LCLAT1: variants seen among roughly 807,000 people sequenced by gnomAD.
LCLAT1 encodes the protein 1-AGP acyltransferase 8.
Under a neutral mutation model 30.7 loss-of-function variants are expected in LCLAT1, and 11 were observed. That is an observed-to-expected ratio of 0.36 (90% CI 0.23 to 0.59). LCLAT1 has a LOEUF of 0.59. Ranked by LOEUF, LCLAT1 falls within the 20% of genes least tolerant of loss-of-function variation. The pLI, the probability that LCLAT1 is intolerant of heterozygous loss-of-function variation, is 0.77. For missense variants in LCLAT1, 402 were observed against 458.6 expected, an observed-to-expected ratio of 0.88 and a Z score of 1.13; for synonymous variants, 155 against 151.3, an observed-to-expected ratio of 1.02 and a Z score of -0.18.
intron 1 of LCLAT1, among the ~76,000 whole-genome samples, chr2:30,474,179 G>C (rs945636046): frequency 6.6e-6 from 1 of 152,172 alleles, no homozygotes; most frequent in African/African-American, 2.4e-5. Flanking sequence ...GGACCCAAGT[G>C]GAGACAAACT....
intron 5 of LCLAT1, among the ~76,000 whole-genome samples, chr2:30,636,723 GAAGA>G (rs1401192157): frequency 6.6e-6 from 1 of 152,150 alleles, no homozygotes. Flanking sequence ...CAAGAAGAAG[GAAGA>G]AAGAAAAGGG....
chr2:30,518,512 A>C (rs1209286114), intron 1 of LCLAT1, among the ~76,000 whole-genome samples: 1 of 152,224 alleles, frequency 6.6e-6, no homozygotes, highest in African/African-American at 2.4e-5. Flanking sequence ...ATTTAGACTA[A>C]ACAAAGTCTT....
chr2:30,606,675 TGGG>T (rs1182893500), intron 5 of LCLAT1: 1 of 150,210 alleles, frequency 6.7e-6, no homozygotes, highest in Non-Finnish European at 1.5e-5. Context: ...GACATAAGCA[TGGG>T]CAAAGATTTC....
At position 30,640,693 on chromosome 2, in the gene LCLAT1, A is replaced by G; in HGVS notation, c.*74A>G. On this transcript the variant is annotated 3_prime_UTR_variant, in exon 6 of 6. Transcript: ENST00000379509. Reference sequence around the variant, plus strand: ...TCTAAACCTTTCTAAGCTCAGATGCATTTTTGCATGACTATGTCGAATATT... The same window carrying G: ...TCTAAACCTTTCTAAGCTCAGATGCGTTTTTGCATGACTATGTCGAATATT... The G allele has an allele frequency of 6.7e-7, 1 of 1,493,720 alleles. No individual in the cohort carries two copies. Among genetic ancestry groups the G allele is most frequent in the Non-Finnish European group, 8.9e-7 (1 of 1,119,926 alleles). The allele number at this position is 1,493,720 out of a possible 1,614,324, so 92.5% of individuals were successfully genotyped here.
chr2:30,463,724 A>T (rs1164207907), intron 1 of LCLAT1, among the ~76,000 whole-genome samples: 1 of 152,212 alleles, frequency 6.6e-6, no homozygotes, highest in Non-Finnish European at 1.5e-5. Context: ...ATGTCATTTT[A>T]TATAAGGAAC....
chr2:30,559,754 A>G (rs936556716), intron 3 of LCLAT1, among the ~76,000 whole-genome samples: 1 of 152,176 alleles, frequency 6.6e-6, no homozygotes, highest in Non-Finnish European at 1.5e-5. Context: ...CTAGTTAAGT[A>G]ATTGTTTTCA....
intron 5 of LCLAT1, among the ~76,000 whole-genome samples, chr2:30,597,255 T>C (rs1429051311): frequency 2.0e-5 from 3 of 151,950 alleles, no homozygotes; most frequent in Admixed American, 6.6e-5. Flanking sequence ...TTTCACGATA[T>C]TGATTCTTCC....
chr2:30,610,189 AT>A lies in LCLAT1; in HGVS notation c.629-29917del, dbSNP rs937962653. The stretch of plus-strand genomic sequence containing the variant: ...TTTTCGTTCCTTCTTTAGTAATTGC[AT>A]TTTTTTTTTTAGGTTTCCTTAATAA... On this transcript the variant is annotated intron_variant, in intron 5 of 5. Transcript: ENST00000379509. Among the ~76,000 whole-genome samples, 196 of 146,366 alleles carry A rather than the reference AT, an allele frequency of 1.3e-3. 1 individual carries two copies. Among genetic ancestry groups the A allele is most frequent in the Middle Eastern group, 3.6e-3 (1 of 278 alleles).
chr2:30,591,444 A>G lies in LCLAT1; in HGVS notation c.628+23268A>G, dbSNP rs78406293. Among the ~76,000 whole-genome samples the G allele has an allele frequency of 9.4e-3, 1,437 of 152,294 alleles. 24 individuals carry two copies. The highest frequency in any genetic ancestry group is 0.032 in the African/African-American group (1,346 of 41,560). On this transcript the variant is annotated intron_variant, in intron 5 of 5. Transcript: ENST00000379509. ...GAGTTTAGCATTGGCCTTAAGTACA[A>G]TATTTATGTTGCATCCTTTAAGGTC...
At chr2:30,633,496 G>T (rs1668867110) in intron 5 of LCLAT1, among the ~76,000 whole-genome samples, 1 of 152,064 alleles carries the variant, frequency 6.6e-6, no homozygotes, top group African/African-American at 2.4e-5. Flanking sequence ...AGACCATCCT[G>T]GCCAACATGG....
At chr2:30,620,982 T>C (rs1487215201) in intron 5 of LCLAT1, among the ~76,000 whole-genome samples, 2 of 152,200 alleles carry the variant, frequency 1.3e-5, no homozygotes, top group Non-Finnish European at 2.9e-5. Context: ...AAGGCTTTTT[T>C]TGGATTTAGA....
chr2:30,484,760 AT>A lies in LCLAT1; in HGVS notation c.-5+37380del, dbSNP rs1683482052. On this transcript the variant is annotated intron_variant, in intron 1 of 5. Coordinates refer to ENST00000379509, the MANE Select transcript of LCLAT1 (RefSeq NM_001002257.3). ...ATTTGAGAGTGTAACATTCAGTAACATTTGACAGTTTTAAAAAAGTGATTTC... is the reference window on the plus strand; with the variant it reads ...ATTTGAGAGTGTAACATTCAGTAACATTGACAGTTTTAAAAAAGTGATTTC... Among the ~76,000 whole-genome samples the A allele has an allele frequency of 4.0e-5, 6 of 151,702 alleles. No individual in the cohort carries two copies. The South Asian group carries it at 1.3e-3, about 32-fold the overall frequency.
At chr2:30,585,340 C>T (rs1177901684) in intron 5 of LCLAT1, among the ~76,000 whole-genome samples, 1 of 152,194 alleles carries the variant, frequency 6.6e-6, no homozygotes, top group Non-Finnish European at 1.5e-5. Flanking sequence ...TTTTACCTCT[C>T]TCAGAAATCA....
chr2:30,514,025 A>T, intron 1 of LCLAT1, among the ~76,000 whole-genome samples: 1 of 152,064 alleles, frequency 6.6e-6, no homozygotes, highest in Admixed American at 6.6e-5. Flanking sequence ...ATTAACTGAG[A>T]CCTGTCTCAA....
At chr2:30,626,458 G>T (rs964089953) in intron 5 of LCLAT1, among the ~76,000 whole-genome samples, 4 of 152,102 alleles carry the variant, frequency 2.6e-5, no homozygotes, top group African/African-American at 9.7e-5. Context: ...ATTTTCTCAC[G>T]TGTGTAGATT....
At chr2:30,534,095 TACCCTCTTAA>T (rs1224526610) in intron 3 of LCLAT1, among the ~76,000 whole-genome samples, 1 of 152,216 alleles carries the variant, frequency 6.6e-6, no homozygotes, top group Non-Finnish European at 1.5e-5. Context: ...TTAAACTATG[TACCCTCTTAA>T]ACCATTCCTC....
At chr2:30,471,014 A>G (rs1381993063) in intron 1 of LCLAT1, among the ~76,000 whole-genome samples, 1 of 150,134 alleles carries the variant, frequency 6.7e-6, no homozygotes, top group African/African-American at 2.5e-5. Context: ...CCCGGATTCA[A>G]GCAATTCTCT....
intron 3 of LCLAT1, among the ~76,000 whole-genome samples, chr2:30,544,646 CTG>C (rs1345245737): frequency 6.6e-6 from 1 of 152,126 alleles, no homozygotes; most frequent in African/African-American, 2.4e-5. Context: ...AACTTCCCCT[CTG>C]TGTGTTACTT....
intron 2 of LCLAT1, among the ~76,000 whole-genome samples, chr2:30,529,668 A>C (rs1685895114): frequency 6.6e-6 from 1 of 152,206 alleles, no homozygotes; most frequent in Admixed American, 6.5e-5. Context: ...CTGTCTACCC[A>C]GGGCACAAGT....
Sources: gnomAD v4.1 joint callset for allele counts (sites outside exome capture counted in the v4.1 genomes callset) on GRCh38, gnomAD v4.1.1 for gene constraint, MANE v1.5 for transcripts, NCBI Gene and HGNC (gene_info 2026-07-23, HGNC 2026-07-21) for gene names.